ZNF536: variants seen among roughly 807,000 people sequenced by gnomAD.
ZNF536 encodes the protein zinc finger protein 536.
A neutral mutation model predicts 84.5 loss-of-function variants in ZNF536; 13 were observed. That is an observed-to-expected ratio of 0.15 (90% CI 0.10 to 0.24). The LOEUF is 0.24. Ranked by LOEUF, ZNF536 falls within the 10% of genes least tolerant of loss-of-function variation. The probability of loss-of-function intolerance (pLI) is 1.00; values close to 1 mark genes in which losing one functional copy is unlikely to be tolerated. For missense variants in ZNF536, 1,536 were observed against 1,747.5 expected (o/e 0.88, Z 2.16); for synonymous variants, 811 against 742.5 (o/e 1.09, Z -1.50).
chr19:30,464,168 A>T lies in ZNF536; in HGVS notation c.2170+18436A>T, dbSNP rs1030153961. On this transcript the variant is annotated intron_variant, in intron 2 of 4. Coordinates refer to ENST00000355537, the MANE Select transcript of ZNF536 (RefSeq NM_014717.3). ...CCCTGTGGCCAGCACCTGCAAAGTG[A>T]TCACATCGCTGCTTACGGGTTTAGC... Among the ~76,000 whole-genome samples, 5 of 152,124 alleles carry T rather than the reference A, an allele frequency of 3.3e-5. No individual in the cohort carries two copies. In the South Asian group the frequency reaches 1.0e-3, roughly 32 times the overall value.
chr19:30,323,275 A>G (rs913221186), intron 2 of ZNF536, among the ~76,000 whole-genome samples: 1 of 152,130 alleles, frequency 6.6e-6, no homozygotes, highest in Non-Finnish European at 1.5e-5. Context: ...CTTTTCCCCT[A>G]GCCCTTTATC....
upstream of ZNF536, among the ~76,000 whole-genome samples, chr19:30,371,678 T>C (rs1289239086): frequency 1.3e-5 from 2 of 151,584 alleles, no homozygotes; most frequent in East Asian, 3.9e-4. Context: ...TCTGGATATC[T>C]GTAGGGGAAA....
intron 1 of ZNF536, among the ~76,000 whole-genome samples, chr19:30,692,923 C>A (rs1201013506): frequency 1.3e-5 from 2 of 152,178 alleles, no homozygotes; most frequent in Admixed American, 1.3e-4. Context: ...TACACACGGG[C>A]TCCGTTTATA....
intron 1 of ZNF536, among the ~76,000 whole-genome samples, chr19:30,670,878 CTA>C (rs760034792): frequency 6.6e-6 from 1 of 152,224 alleles, no homozygotes; most frequent in Non-Finnish European, 1.5e-5. Flanking sequence ...TCTGTCCACT[CTA>C]TCAAATGGAT....
chr19:30,246,566 C>G (rs1197941194), intron 1 of ZNF536, among the ~76,000 whole-genome samples: 1 of 152,196 alleles, frequency 6.6e-6, no homozygotes, highest in South Asian at 2.1e-4. Flanking sequence ...TTGCCAGCTA[C>G]ACACTGCCCC....
intron 1 of ZNF536, among the ~76,000 whole-genome samples, chr19:30,705,294 A>G (rs1197431705): frequency 6.6e-6 from 1 of 150,520 alleles, no homozygotes; most frequent in Non-Finnish European, 1.5e-5. Flanking sequence ...GCCTTTCAGC[A>G]AACAACTCAG....
upstream of ZNF536, among the ~76,000 whole-genome samples, chr19:30,227,903 C>T (rs1018173590): frequency 2.6e-5 from 4 of 151,618 alleles, no homozygotes; most frequent in African/African-American, 9.7e-5. Context: ...CGGGGATGGG[C>T]GCGGGAAGCA....
In ZNF536 at chr19:30,277,840, A is replaced by C. The variant is rs542030319; in HGVS notation, c.-189-6232A>C. On this transcript the variant is annotated intron_variant, in intron 1 of 5. Transcript: ENST00000585628. ...CATTGTGGCTGTCGAATAACAGCTC[A>C]GGCACCTGCTCTGGCAGAAGTTAGC... 2.0e-4 allele frequency among the ~76,000 whole-genome samples: 30 copies of C among 152,308 alleles called. No homozygotes were observed. In the South Asian group the frequency reaches 6.2e-3, roughly 32 times the overall value.
intron 1 of ZNF536, among the ~76,000 whole-genome samples, chr19:30,383,750 TTTCTTTCTCTTTC>T (rs1180474008): frequency 0.27 from 3,168 of 11,658 alleles, 435 homozygotes; most frequent in African/African-American, 0.43. Flanking sequence ...TTTCTCTTTC[TTTCTTTCTCTTTC>T]TTTCTTTCTT....
chr19:30,610,267 C>T (rs1462693806), intron 1 of ZNF536, among the ~76,000 whole-genome samples: 1 of 152,130 alleles, frequency 6.6e-6, no homozygotes, highest in Non-Finnish European at 1.5e-5. Context: ...TGATAAATGC[C>T]TTTTGTGTGG....
At chr19:30,560,582 AC>A (rs144209484), downstream of ZNF536, among the ~76,000 whole-genome samples, 2 of 151,478 alleles carry the variant, frequency 1.3e-5, no homozygotes, top group Non-Finnish European at 2.9e-5. Context: ...ATAAGAGACC[AC>A]CCCCCCGCCC....
chr19:30,227,617 C>T (rs1005252664), upstream of ZNF536, among the ~76,000 whole-genome samples: 12 of 151,926 alleles, frequency 7.9e-5, no homozygotes, highest in South Asian at 2.5e-3. Context: ...GTCCTGGGGG[C>T]TGGGTCGTGT....
intron 2 of ZNF536, among the ~76,000 whole-genome samples, chr19:30,295,970 G>A (rs1244267954): frequency 5.3e-5 from 8 of 152,164 alleles, no homozygotes; most frequent in Non-Finnish European, 7.3e-5. Context: ...CTGTCCAGAG[G>A]CCTCCATGGG....
intron 1 of ZNF536, among the ~76,000 whole-genome samples, chr19:30,568,940 C>A (rs984453962): frequency 6.6e-6 from 1 of 152,182 alleles, no homozygotes; most frequent in African/African-American, 2.4e-5. Context: ...ATAAGTTGGG[C>A]CCTCTCTGAG....
At chr19:30,282,418 G>A (rs1042812888) in intron 1 of ZNF536, among the ~76,000 whole-genome samples, 2 of 152,240 alleles carry the variant, frequency 1.3e-5, no homozygotes, top group African/African-American at 4.8e-5. Context: ...GCCAACTGCA[G>A]GAGACGGTGT....
At chr19:30,666,556 G>C (rs1200851112) in intron 1 of ZNF536, among the ~76,000 whole-genome samples, 1 of 152,044 alleles carries the variant, frequency 6.6e-6, no homozygotes, top group South Asian at 2.1e-4. Flanking sequence ...TAGGCTTTGA[G>C]AGGGGGCTTT....
At chr19:30,324,491 T>C (rs1286127960) in intron 2 of ZNF536, among the ~76,000 whole-genome samples, 1 of 152,238 alleles carries the variant, frequency 6.6e-6, no homozygotes, top group African/African-American at 2.4e-5. Context: ...CAGACAGTCC[T>C]CCCACTTCAG....
chr19:30,659,167 A>G (rs2050026056), intron 1 of ZNF536, among the ~76,000 whole-genome samples: 1 of 152,206 alleles, frequency 6.6e-6, no homozygotes, highest in Non-Finnish European at 1.5e-5. Context: ...ATTTATAAAG[A>G]AAAGAGGTTT....
chr19:30,282,700 G>A (rs968514405), intron 1 of ZNF536, among the ~76,000 whole-genome samples: 13 of 152,078 alleles, frequency 8.5e-5, no homozygotes, highest in Admixed American at 4.6e-4. Flanking sequence ...TTAGCTCAGC[G>A]ATAGGACAGA....
Sources: allele counts gnomAD v4.1 joint callset (sites outside exome capture counted in the v4.1 genomes callset), GRCh38; gene constraint gnomAD v4.1.1; transcripts MANE v1.5; gene names NCBI Gene and HGNC (gene_info 2026-07-23, HGNC 2026-07-21).